NRG3: variants seen among roughly 807,000 people sequenced by gnomAD.
NRG3 encodes neuregulin 3.
Under a neutral mutation model 66.9 loss-of-function variants are expected in NRG3, and 31 were observed. That is an observed-to-expected ratio of 0.46 (90% CI 0.35 to 0.63). The LOEUF (loss-of-function observed/expected upper bound fraction) is 0.63. NRG3 is among the 20% of genes least tolerant of loss of function. The probability of loss-of-function intolerance (pLI) is 0.00; values close to 1 mark genes in which losing one functional copy is unlikely to be tolerated. For synonymous variants in NRG3, 393 were observed against 359.4 expected (o/e 1.09, Z -1.06); for missense variants, 910 against 878.9 (o/e 1.04, Z -0.45).
At chr10:82,574,011 G>T (rs1179365126) in intron 2 of NRG3, among the ~76,000 whole-genome samples, 2 of 151,682 alleles carry the variant, frequency 1.3e-5, no homozygotes, top group African/African-American at 4.8e-5. Flanking sequence ...ACTACAATAT[G>T]ATCCAACCAA....
chr10:82,890,989 T>G (rs552442540), intron 4 of NRG3, among the ~76,000 whole-genome samples: 2 of 152,238 alleles, frequency 1.3e-5, no homozygotes, highest in Non-Finnish European at 2.9e-5. Context: ...CTTATTGATT[T>G]CTTAGAGTAA....
chr10:82,738,802 G>A lies in NRG3; in HGVS notation c.1027+152G>A, dbSNP rs1028069358. 26 of 698,980 alleles carry A rather than the reference G, an allele frequency of 3.7e-5. No individual in the cohort carries two copies. The African/African-American group carries it at 4.4e-4, about 12-fold the overall frequency. 43.3% of individuals were successfully genotyped at this position (698,980 alleles called of 1,614,324 possible). A position where few individuals can be genotyped will look rare whatever the true frequency, so the allele number is the denominator to read the frequency against. On this transcript the variant is annotated intron_variant, in intron 3 of 8. Coordinates refer to ENST00000372141, the MANE Select transcript of NRG3 (RefSeq NM_001010848.4). ...CTGATGGCAGATGTTGATGTTCAAAGCATCCTCAGAGCTGGCTCAGTCTAG... is the reference window on the plus strand; with the variant it reads ...CTGATGGCAGATGTTGATGTTCAAAACATCCTCAGAGCTGGCTCAGTCTAG...
chr10:82,420,390 A>T, intron 2 of NRG3, among the ~76,000 whole-genome samples: 1 of 152,142 alleles, frequency 6.6e-6, no homozygotes, highest in Admixed American at 6.6e-5. Flanking sequence ...TTTTTATCTT[A>T]TACTGTATTT....
intron 4 of NRG3, among the ~76,000 whole-genome samples, chr10:82,869,176 CT>C (rs1486782419): frequency 1.3e-5 from 2 of 152,104 alleles, no homozygotes; most frequent in Non-Finnish European, 2.9e-5. Flanking sequence ...AATGCTAGTT[CT>C]ATTTGTGTGT....
rs117398361 is a variant in NRG3 at position 82,426,219 on chromosome 10, G to A, written c.953+67351G>A. 3.4e-3 allele frequency among the ~76,000 whole-genome samples: 519 copies of A among 152,236 alleles called. 3 individuals are homozygous for A. The highest frequency in any genetic ancestry group is 5.9e-3 in the Non-Finnish European group (400 of 68,016). ...CTCCCATCTTCACTCTGAGACCCCT[G>A]GTGGGACTCCTGAAGGTAAAAGTTA... On this transcript the variant is annotated intron_variant, in intron 2 of 8. Transcript: ENST00000372141.
intron 1 of NRG3, among the ~76,000 whole-genome samples, chr10:82,192,803 A>G (rs971185407): frequency 1.3e-5 from 2 of 152,170 alleles, no homozygotes; most frequent in Admixed American, 6.5e-5. Context: ...AAGTGGTAGG[A>G]AATGTAAGGT....
intron 1 of NRG3, among the ~76,000 whole-genome samples, chr10:82,323,150 G>A (rs550922733): frequency 5.3e-5 from 8 of 152,288 alleles, no homozygotes; most frequent in Admixed American, 2.0e-4. Flanking sequence ...TGACAGTGTT[G>A]CTTATAACCT....
chr10:82,303,336 A>AACACACACACACACACACAC (rs144860357), intron 1 of NRG3, among the ~76,000 whole-genome samples: 40 of 149,338 alleles, frequency 2.7e-4, no homozygotes, highest in African/African-American at 8.1e-4. Flanking sequence ...TGCGTGTATA[A>AACACACACACACACACACAC]ACACACACAC....
chr10:82,316,610 C>T (rs2081309379), intron 1 of NRG3, among the ~76,000 whole-genome samples: 1 of 152,158 alleles, frequency 6.6e-6, no homozygotes, highest in Non-Finnish European at 1.5e-5. Flanking sequence ...TAAGGCCTTG[C>T]TCCTGGCCGC....
intron 2 of NRG3, among the ~76,000 whole-genome samples, chr10:82,733,387 T>C (rs551227640): frequency 6.6e-6 from 1 of 152,180 alleles, no homozygotes; most frequent in Non-Finnish European, 1.5e-5. Context: ...CTCATTTTTT[T>C]GGGGGGTTGA....
At chr10:82,780,226 G>T (rs868391556) in intron 3 of NRG3, among the ~76,000 whole-genome samples, 9 of 151,910 alleles carry the variant, frequency 5.9e-5, no homozygotes, top group African/African-American at 2.2e-4. Flanking sequence ...TAATCCTTTG[G>T]GTATATACCC....
chr10:82,205,866 C>G (rs1840062751), intron 1 of NRG3, among the ~76,000 whole-genome samples: 1 of 152,180 alleles, frequency 6.6e-6, no homozygotes, highest in Admixed American at 6.5e-5. Context: ...TCTGCCTTTT[C>G]TTTGTTAGGA....
chr10:82,810,495 G>A (rs757558297), intron 3 of NRG3, among the ~76,000 whole-genome samples: 32 of 152,116 alleles, frequency 2.1e-4, no homozygotes, highest in Non-Finnish European at 3.7e-4. Context: ...AGGCACTGTG[G>A]CTCACGCCTG....
At chr10:82,591,055 C>T (rs2046953542) in intron 2 of NRG3, among the ~76,000 whole-genome samples, 1 of 152,156 alleles carries the variant, frequency 6.6e-6, no homozygotes, top group Non-Finnish European at 1.5e-5. Flanking sequence ...CTGGGGTTTC[C>T]CTGAGGCACA....
chr10:82,291,317 T>C (rs1441754236), intron 1 of NRG3, among the ~76,000 whole-genome samples: 1 of 152,114 alleles, frequency 6.6e-6, no homozygotes, highest in Non-Finnish European at 1.5e-5. Context: ...ACTGAAAATT[T>C]AAAAATGCTG....
intron 2 of NRG3, among the ~76,000 whole-genome samples, chr10:82,486,558 G>A (rs1278774385): frequency 6.6e-6 from 1 of 152,084 alleles, no homozygotes; most frequent in Non-Finnish European, 1.5e-5. Context: ...GGGATTACAG[G>A]CATGTGCCAC....
intron 1 of NRG3, among the ~76,000 whole-genome samples, chr10:81,876,559 G>C (rs1407216992): frequency 3.3e-5 from 5 of 152,230 alleles, no homozygotes; most frequent in Non-Finnish European, 5.9e-5. Context: ...AAGGCACTGA[G>C]CCCCTTCTCC....
chr10:82,373,655 A>G (rs2085034580), intron 2 of NRG3, among the ~76,000 whole-genome samples: 1 of 152,218 alleles, frequency 6.6e-6, no homozygotes, highest in African/African-American at 2.4e-5. Flanking sequence ...GAGGTTGGAA[A>G]GCATTGGCAG....
In NRG3 at chr10:82,796,532, A is replaced by G. The variant is rs74522864; in HGVS notation, c.1027+57882A>G. Among the ~76,000 whole-genome samples the G allele has an allele frequency of 5.7e-3, 863 of 152,318 alleles. 8 individuals carry two copies. The highest frequency in any genetic ancestry group is 0.02 in the African/African-American group (818 of 41,580). ...GTGAAATTGTTGAGAGAAAACCAAAATTTATCAAATAGCTACAATAGAAGC... is the reference window on the plus strand; with the variant it reads ...GTGAAATTGTTGAGAGAAAACCAAAGTTTATCAAATAGCTACAATAGAAGC... On this transcript the variant is annotated intron_variant, in intron 3 of 8. Transcript: ENST00000372141.
Sources: allele counts gnomAD v4.1 joint callset (sites outside exome capture counted in the v4.1 genomes callset), GRCh38; gene constraint gnomAD v4.1.1; transcripts MANE v1.5; gene names NCBI Gene and HGNC (gene_info 2026-07-23, HGNC 2026-07-21).